Variants in FOXJ3 observed in about 807,000 individuals in gnomAD.
FOXJ3 encodes the protein forkhead box protein J3.
FOXJ3 carries 22 observed loss-of-function variants against 76.1 expected under a neutral mutation model. The observed-to-expected ratio is 0.29, with a 90% CI of 0.21 to 0.41. FOXJ3 has a LOEUF of 0.41. FOXJ3 is among the 10% of genes least tolerant of loss of function. The pLI is 1.00. For missense variants in FOXJ3, 613 were observed against 762.1 expected (o/e 0.80, Z 2.30); for synonymous variants, 269 against 261.2 (o/e 1.03, Z -0.29).
intron 3 of FOXJ3, among the ~76,000 whole-genome samples, chr1:42,267,425 T>TA (rs1553164827): frequency 5.9e-5 from 9 of 151,948 alleles, no homozygotes; most frequent in African/African-American, 1.7e-4. Context: ...GACATAAATT[T>TA]TAAAAAAATC....
At position 42,278,980 on chromosome 1, in the gene FOXJ3, G is replaced by A. The variant is rs575889009; in HGVS notation, c.45-308C>T. 1.6e-4 allele frequency among the ~76,000 whole-genome samples: 25 copies of A among 152,214 alleles called. No individual in the cohort carries two copies. The South Asian group carries it at 1.9e-3, about 11-fold the overall frequency. On this transcript the variant is annotated intron_variant, in intron 2 of 12. Coordinates refer to ENST00000361346, the MANE Select transcript of FOXJ3 (RefSeq NM_014947.5). ...AAAATCACTGCCTGTTTCTTTAAGA[G>A]GGCAACAGGATCTTGGTAAGAAAAA... is the stretch of plus-strand genomic sequence containing the variant.
chr1:42,281,874 C>T (rs1652741931), intron 2 of FOXJ3, among the ~76,000 whole-genome samples: 1 of 152,084 alleles, frequency 6.6e-6, no homozygotes, highest in Admixed American at 6.6e-5. Context: ...GTCTGACCAA[C>T]ATGGTGAAAC....
In FOXJ3 at chr1:42,204,940, T is replaced by C. The variant is rs561401034; in HGVS notation, c.630+822A>G. On this transcript the variant is annotated intron_variant, in intron 6 of 12. Coordinates refer to ENST00000361346, the MANE Select transcript of FOXJ3 (RefSeq NM_014947.5). Reference sequence around the variant, plus strand: ...TAGTGCAATGATGTATGTGTATGTGTTCATATTTATGTGTGTGCATGAAGT... The same window carrying C: ...TAGTGCAATGATGTATGTGTATGTGCTCATATTTATGTGTGTGCATGAAGT... Among the ~76,000 whole-genome samples, 7 of 152,274 alleles carry C rather than the reference T, an allele frequency of 4.6e-5. No homozygotes were observed. In the East Asian group the frequency reaches 1.3e-3, roughly 29 times the overall value.
At chr1:42,228,896 T>C (rs1647819694) in intron 4 of FOXJ3, among the ~76,000 whole-genome samples, 1 of 152,150 alleles carries the variant, frequency 6.6e-6, no homozygotes, top group Non-Finnish European at 1.5e-5. Context: ...CCAGTGATCA[T>C]ATCCAAATTT....
chr1:42,188,562 T>C (rs1173592054), intron 11 of FOXJ3, among the ~76,000 whole-genome samples, 175 bp downstream of exon 11: 1 of 152,222 alleles, frequency 6.6e-6, no homozygotes, highest in Non-Finnish European at 1.5e-5. Context: ...ATTACCTCAA[T>C]TTTTCTAAGA....
chr1:42,220,731 C>T (rs1647166194), intron 5 of FOXJ3, among the ~76,000 whole-genome samples: 1 of 152,172 alleles, frequency 6.6e-6, no homozygotes, highest in African/African-American at 2.4e-5. Context: ...TAGGTGCTAA[C>T]AGTTTTAACT....
In FOXJ3 at chr1:42,284,900, C is replaced by G. The variant is rs535324309; in HGVS notation, c.45-6228G>C. Among the ~76,000 whole-genome samples, 15 of 152,224 alleles carry G rather than the reference C, an allele frequency of 9.9e-5. No homozygotes were observed. The South Asian group carries it at 3.1e-3, about 32-fold the overall frequency. On this transcript the variant is annotated intron_variant, in intron 2 of 12. Transcript: ENST00000361346. ...CCACCAATAAAAATCACAAATATAACCAATGAGAAATGTTGCAGAAATCTA... is the reference window on the plus strand; with the variant it reads ...CCACCAATAAAAATCACAAATATAAGCAATGAGAAATGTTGCAGAAATCTA...
intron 2 of FOXJ3, among the ~76,000 whole-genome samples, chr1:42,287,828 G>A (rs991293938): frequency 3.3e-5 from 5 of 152,068 alleles, no homozygotes; most frequent in African/African-American, 1.2e-4. Context: ...GTCAAGTGTG[G>A]TAGTGTGTCC....
intron 5 of FOXJ3, among the ~76,000 whole-genome samples, chr1:42,212,372 G>A (rs926079149): frequency 6.6e-6 from 1 of 152,128 alleles, no homozygotes; most frequent in Non-Finnish European, 1.5e-5. Flanking sequence ...AAAGAGACAA[G>A]TATTTTAAAG....
At chr1:42,286,621 T>C (rs1653071381) in intron 2 of FOXJ3, among the ~76,000 whole-genome samples, 1 of 152,220 alleles carries the variant, frequency 6.6e-6, no homozygotes, top group African/African-American at 2.4e-5. Context: ...GTTCATACTC[T>C]TCAGGGTTTC....
At chr1:42,328,825 C>T (rs1655993319) in intron 1 of FOXJ3, among the ~76,000 whole-genome samples, 1 of 151,892 alleles carries the variant, frequency 6.6e-6, no homozygotes, top group Non-Finnish European at 1.5e-5. Flanking sequence ...CACAACCATG[C>T]CCAGCTTATT....
chr1:42,225,047 G>A (rs569183988), intron 5 of FOXJ3, among the ~76,000 whole-genome samples: 11 of 151,682 alleles, frequency 7.3e-5, no homozygotes, highest in Non-Finnish European at 1.5e-4. Flanking sequence ...CTGCACTCTA[G>A]CCTGGGTGAC....
At chr1:42,267,773 TAAAG>T (rs1348629302) in intron 3 of FOXJ3, among the ~76,000 whole-genome samples, 1 of 151,960 alleles carries the variant, frequency 6.6e-6, no homozygotes, top group Non-Finnish European at 1.5e-5. Flanking sequence ...ATGTGAAAAC[TAAAG>T]AAAGAGACAA....
At chr1:42,330,204 T>C (rs1656075418) in intron 1 of FOXJ3, among the ~76,000 whole-genome samples, 4 of 152,226 alleles carry the variant, frequency 2.6e-5, no homozygotes, top group African/African-American at 4.8e-5. Context: ...CAAAAAATGT[T>C]AGCTATTATT....
chr1:42,211,189 C>A (rs2124359653), intron 5 of FOXJ3, among the ~76,000 whole-genome samples: 1 of 152,236 alleles, frequency 6.6e-6, no homozygotes, highest in Non-Finnish European at 1.5e-5. Flanking sequence ...CAGCTGGGGC[C>A]TCTCCCATGG....
chr1:42,256,011 G>C (rs919273798), intron 4 of FOXJ3, among the ~76,000 whole-genome samples: 1 of 152,158 alleles, frequency 6.6e-6, no homozygotes, highest in African/African-American at 2.4e-5. Flanking sequence ...AACAGAGCGA[G>C]ACTTCGTCTC....
chr1:42,330,928 C>T (rs750847786), intron 1 of FOXJ3, among the ~76,000 whole-genome samples: 6 of 152,070 alleles, frequency 3.9e-5, no homozygotes, highest in Non-Finnish European at 8.8e-5. Flanking sequence ...TGTATATAAA[C>T]CAATAAAACA....
rs150006846 is a variant in FOXJ3 at position 42,181,897 on chromosome 1, A to ACT, written c.1753+18_1753+19dup. 2.8e-4 allele frequency: 337 copies of ACT among 1,190,142 alleles called. No homozygotes were observed. The highest frequency in any genetic ancestry group is 5.1e-4 in the African/African-American group (30 of 59,072). The allele number at this position is 1,190,142 out of a possible 1,614,324, so 73.7% of individuals were successfully genotyped here. ...CACACACACACACACACACACACTC[A>ACT]CTCTCTCTCTCTCTCTTACCTGCCA... On this transcript the variant is annotated intron_variant, in intron 12 of 12. Transcript: ENST00000361346.
intron 1 of FOXJ3, chr1:42,315,324 C>T: frequency 3.3e-6 from 2 of 607,220 alleles, no homozygotes; most frequent in Admixed American, 6.3e-5. Context: ...AAATGGTGAA[C>T]TTCACAGTAT....
Sources: gnomAD v4.1 joint callset for allele counts (sites outside exome capture counted in the v4.1 genomes callset) on GRCh38, gnomAD v4.1.1 for gene constraint, MANE v1.5 for transcripts, NCBI Gene and HGNC (gene_info 2026-07-23, HGNC 2026-07-21) for gene names.